LMBR1: variants seen among roughly 807,000 people sequenced by gnomAD.
The protein encoded by LMBR1 is limb development membrane protein 1.
A neutral mutation model predicts 73.9 loss-of-function variants in LMBR1; 52 were observed. The ratio of observed to expected loss-of-function variants is 0.70; its 90% CI spans 0.56 to 0.89. The LOEUF is 0.89. Among genes scored for constraint, LMBR1 ranks in the 40% least tolerant of loss-of-function variants. The pLI is 0.00. For missense variants in LMBR1, 539 were observed against 579.8 expected (o/e 0.93, Z 0.72); for synonymous variants, 215 against 209.4 (o/e 1.03, Z -0.23).
At chr7:156,672,284 C>T (rs1211859759) in intron 4 of LMBR1, among the ~76,000 whole-genome samples, 4 of 152,070 alleles carry the variant, frequency 2.6e-5, no homozygotes, top group Non-Finnish European at 5.9e-5. Flanking sequence ...GGTTTAAAGG[C>T]AGGGTGTGAC....
chr7:156,862,477 T>A, intron 1 of LMBR1, among the ~76,000 whole-genome samples: 1 of 146,094 alleles, frequency 6.8e-6, no homozygotes, highest in African/African-American at 2.5e-5. Context: ...AAACTATAAA[T>A]CCTCTAGAAA....
At chr7:156,828,007 C>A (rs1835997698) in intron 3 of LMBR1, among the ~76,000 whole-genome samples, 1 of 152,222 alleles carries the variant, frequency 6.6e-6, no homozygotes, top group Admixed American at 6.5e-5. Flanking sequence ...AGGTCCGCAG[C>A]CAGCTCTGGC....
intron 15 of LMBR1, among the ~76,000 whole-genome samples, chr7:156,699,804 CTCA>C (rs1462170007): frequency 6.6e-6 from 1 of 152,134 alleles, no homozygotes; most frequent in Non-Finnish European, 1.5e-5. Context: ...TGAAAAAATG[CTCA>C]TCATCACTGG....
chr7:156,730,335 G>A (rs1164336180), intron 10 of LMBR1, among the ~76,000 whole-genome samples: 1 of 152,202 alleles, frequency 6.6e-6, no homozygotes, highest in African/African-American at 2.4e-5. Context: ...TGTTTCTTGA[G>A]AGGTAAAAAC....
chr7:156,722,106 C>CAT (rs1814721108), intron 15 of LMBR1, among the ~76,000 whole-genome samples: 2 of 151,964 alleles, frequency 1.3e-5, no homozygotes, highest in South Asian at 4.2e-4. Context: ...AGAGAAATTA[C>CAT]ATATATAGAG....
chr7:156,883,255 C>T (rs1268913227), intron 1 of LMBR1, among the ~76,000 whole-genome samples: 2 of 151,090 alleles, frequency 1.3e-5, no homozygotes, highest in Non-Finnish European at 2.9e-5. Context: ...AAAAATTAGC[C>T]AGGTGTGGTG....
At chr7:156,875,021 T>C (rs1023464595) in intron 1 of LMBR1, among the ~76,000 whole-genome samples, 1 of 152,086 alleles carries the variant, frequency 6.6e-6, no homozygotes, top group Non-Finnish European at 1.5e-5. Context: ...CAGAGAAAGG[T>C]GAAGTCCAAT....
intron 1 of LMBR1, among the ~76,000 whole-genome samples, chr7:156,868,417 T>C (rs191944173): frequency 1.3e-5 from 2 of 152,272 alleles, no homozygotes; most frequent in Admixed American, 6.5e-5. Context: ...GGCTCACGCC[T>C]GTTATCCCAG....
chr7:156,854,320 C>A (rs554376770), intron 1 of LMBR1, among the ~76,000 whole-genome samples: 3 of 152,194 alleles, frequency 2.0e-5, no homozygotes, highest in African/African-American at 4.8e-5. Context: ...TGTGGACTAA[C>A]TAGAGAGAGA....
At chr7:156,835,926 CTTCT>C (rs1837570380) in intron 2 of LMBR1, among the ~76,000 whole-genome samples, 1 of 152,168 alleles carries the variant, frequency 6.6e-6, no homozygotes, top group Non-Finnish European at 1.5e-5. Context: ...TCTCTCCCTC[CTTCT>C]GTGTCTACAG....
At chr7:156,794,888 G>A (rs1265669129) in intron 5 of LMBR1, among the ~76,000 whole-genome samples, 2 of 152,038 alleles carry the variant, frequency 1.3e-5, no homozygotes, top group Non-Finnish European at 1.5e-5. Context: ...TTTGTGACCT[G>A]CACAAAGTCT....
intron 5 of LMBR1, among the ~76,000 whole-genome samples, chr7:156,784,190 CTACTAACTCTTTGAG>C (rs1414373767): frequency 1.3e-5 from 2 of 152,088 alleles, no homozygotes; most frequent in African/African-American, 4.8e-5. Flanking sequence ...TATTTTTTGT[CTACTAACTCTTTGAG>C]TAATACACCG....
At chr7:156,694,110 T>C (rs1807793896) in intron 15 of LMBR1, among the ~76,000 whole-genome samples, 1 of 152,044 alleles carries the variant, frequency 6.6e-6, no homozygotes, top group African/African-American at 2.4e-5. Flanking sequence ...ACTTTCATGA[T>C]AAAAACTCTC....
chr7:156,851,247 T>A (rs754613579), intron 1 of LMBR1, among the ~76,000 whole-genome samples: 85 of 152,306 alleles, frequency 5.6e-4, no homozygotes, highest in Admixed American at 1.8e-3. Flanking sequence ...AAATTACCAA[T>A]GCCCTATCTT....
At chr7:156,891,450 G>T (rs948250394) in intron 1 of LMBR1, among the ~76,000 whole-genome samples, 1 of 151,080 alleles carries the variant, frequency 6.6e-6, no homozygotes, top group African/African-American at 2.4e-5. Flanking sequence ...ACTGGACACA[G>T]AAGAGTATAT....
chr7:156,808,365 T>A (rs551686071), intron 4 of LMBR1, among the ~76,000 whole-genome samples: 2 of 152,290 alleles, frequency 1.3e-5, no homozygotes, highest in South Asian at 4.1e-4. Context: ...TGACTGGTAA[T>A]ATTCTTTGCC....
intron 15 of LMBR1, among the ~76,000 whole-genome samples, chr7:156,714,982 C>T (rs1201733107): frequency 6.7e-6 from 1 of 148,924 alleles, no homozygotes; most frequent in Admixed American, 6.7e-5. Flanking sequence ...GACAGAGTCT[C>T]GCTCTGTCAC....
intron 8 of LMBR1, 142 bp downstream of exon 8, chr7:156,761,992 A>C (rs1823131781): frequency 1.7e-6 from 1 of 577,686 alleles, no homozygotes; most frequent in Non-Finnish European, 3.1e-6. Flanking sequence ...AAAAAAAAAA[A>C]CTTAATAAAA....
chr7:156,751,400 G>A (rs1820847528), intron 9 of LMBR1, among the ~76,000 whole-genome samples: 1 of 152,146 alleles, frequency 6.6e-6, no homozygotes, highest in Admixed American at 6.5e-5. Context: ...GCTCAGTGGG[G>A]GAAGAGCAAA....
Sources: allele counts gnomAD v4.1 joint callset (sites outside exome capture counted in the v4.1 genomes callset), GRCh38; gene constraint gnomAD v4.1.1; transcripts MANE v1.5; gene names NCBI Gene and HGNC (gene_info 2026-07-23, HGNC 2026-07-21).